The following NFYA variants were observed in gnomAD, a reference collection of about 807,000 sequenced individuals.
NFYA encodes nuclear transcription factor Y subunit alpha.
A neutral mutation model predicts 52.8 loss-of-function variants in NFYA; 28 were observed. The observed-to-expected ratio is 0.53, with a 90% confidence interval of 0.39 to 0.73. The LOEUF (loss-of-function observed/expected upper bound fraction) is 0.73, where lower values mean the gene tolerates loss of function less well. NFYA is among the 30% of genes least tolerant of loss of function. The pLI, the probability that NFYA is intolerant of heterozygous loss-of-function variation, is 0.00. For missense variants in NFYA, 234 were observed against 427.0 expected (o/e 0.55, Z 3.98); for synonymous variants, 150 against 150.7 (o/e 1.00, Z 0.03).
In NFYA at chr6:41,098,361, C is replaced by T. The variant is rs1312389505; in HGVS notation, c.*951C>T. ...AACTAAAAGATTCATGTGTTTCAGC[C>T]TAGTGGGAGAGAGTGGGGGAGAGGA... On this transcript the variant is annotated 3_prime_UTR_variant, in exon 10 of 10. Transcript: ENST00000341376. 1 of 152,066 alleles carries T rather than the reference C, an allele frequency of 6.6e-6. No homozygotes were observed. The highest frequency in any genetic ancestry group is 1.5e-5 in the Non-Finnish European group (1 of 68,068). The allele number at this position is 152,066 out of a possible 1,614,324, so 9.4% of individuals were successfully genotyped here. A position where few individuals can be genotyped will look rare whatever the true frequency, so the allele number is the denominator to read the frequency against.
intron 5 of NFYA, 82 bp from the exon 6 acceptor site, chr6:41,090,121 TA>T: frequency 1.0e-6 from 1 of 958,590 alleles, no homozygotes; most frequent in Non-Finnish European, 1.6e-6. Flanking sequence ...CTCAAAAAAA[TA>T]ATTTTTTTTT....
intron 4 of NFYA, among the ~76,000 whole-genome samples, chr6:41,088,813 T>G (rs1764117822): frequency 6.6e-6 from 1 of 152,204 alleles, no homozygotes; most frequent in Non-Finnish European, 1.5e-5. Flanking sequence ...CTCGAACTCC[T>G]GACCTAATCT....
At chr6:41,079,303 A>G (rs975963184) in intron 2 of NFYA, 139 bp downstream of exon 2, 1 of 753,504 alleles carries the variant, frequency 1.3e-6, no homozygotes, top group African/African-American at 1.7e-5. Context: ...GCTTGTGCTG[A>G]AATGCCATGT....
At chr6:41,094,366 A>G (rs754716579) in intron 8 of NFYA, 30 bp from the exon 9 acceptor site, 4 of 1,584,696 alleles carry the variant, frequency 2.5e-6, no homozygotes, top group African/African-American at 1.3e-5. Context: ...GATAGTATTA[A>G]TAGTTAAATG....
At chr6:41,079,941 C>T (rs1406098872) in intron 2 of NFYA, among the ~76,000 whole-genome samples, 1 of 152,196 alleles carries the variant, frequency 6.6e-6, no homozygotes, top group Non-Finnish European at 1.5e-5. Flanking sequence ...ACGAACTCCC[C>T]TGATAGCTTT....
intron 4 of NFYA, among the ~76,000 whole-genome samples, chr6:41,084,921 A>G (rs912312722): frequency 1.3e-5 from 2 of 152,246 alleles, no homozygotes; most frequent in Non-Finnish European, 2.9e-5. Flanking sequence ...AGATTGTGCC[A>G]CTGCACTCCA....
chr6:41,074,773 T>G (rs572343101), intron 1 of NFYA, among the ~76,000 whole-genome samples: 1 of 152,290 alleles, frequency 6.6e-6, no homozygotes, highest in Admixed American at 6.5e-5. Flanking sequence ...GAGCTATATT[T>G]TTTCCTAAGA....
intron 4 of NFYA, among the ~76,000 whole-genome samples, chr6:41,088,476 C>T (rs1248566989): frequency 6.6e-6 from 1 of 151,572 alleles, no homozygotes; most frequent in African/African-American, 2.4e-5. Flanking sequence ...AGTTAGGAAT[C>T]CTGACACAGC....
intron 2 of NFYA, 119 bp downstream of exon 2, chr6:41,079,283 G>A (rs6921430): frequency 0.09 from 81,386 of 904,408 alleles, 4,310 homozygotes; most frequent in Non-Finnish European, 0.11. Flanking sequence ...GTGAGATATT[G>A]GGTCTGATGG....
intron 5 of NFYA, among the ~76,000 whole-genome samples, chr6:41,089,969 G>A (rs935266846): frequency 2.0e-5 from 3 of 152,050 alleles, no homozygotes; most frequent in African/African-American, 7.2e-5. Flanking sequence ...AAATTAGGTG[G>A]GCATGGTGGC....
Sources: allele counts gnomAD v4.1 joint callset (sites outside exome capture counted in the v4.1 genomes callset), GRCh38; gene constraint gnomAD v4.1.1; transcripts MANE v1.5; gene names NCBI Gene and HGNC (gene_info 2026-07-23, HGNC 2026-07-21).